MDM1: variants seen among roughly 807,000 people sequenced by gnomAD.
The protein encoded by MDM1 is stabilizer of axonemal microtubules 6.
MDM1 carries 61 observed loss-of-function variants against 89.1 expected under a neutral mutation model. That is an observed-to-expected ratio of 0.68 (90% CI 0.56 to 0.85). MDM1 has a LOEUF of 0.85. MDM1 is among the 40% of genes least tolerant of loss of function. The pLI is 0.00. For missense variants in MDM1, 820 were observed against 846.5 expected (o/e 0.97, Z 0.39); for synonymous variants, 290 against 294.1 (o/e 0.99, Z 0.14).
At chr12:68,302,258 A>G (rs1003457800) in intron 13 of MDM1, among the ~76,000 whole-genome samples, 1 of 152,128 alleles carries the variant, frequency 6.6e-6, no homozygotes, top group Non-Finnish European at 1.5e-5. Context: ...TACTAACACT[A>G]AAGGAAAGTC....
intron 2 of MDM1, among the ~76,000 whole-genome samples, chr12:68,329,331 T>C (rs1188089157): frequency 6.6e-6 from 1 of 152,218 alleles, no homozygotes; most frequent in Admixed American, 6.5e-5. Flanking sequence ...CCCTTTGTTC[T>C]CTAGACCAAA....
At chr12:68,309,050 T>A (rs192306811) in intron 12 of MDM1, among the ~76,000 whole-genome samples, 1 of 152,368 alleles carries the variant, frequency 6.6e-6, no homozygotes, top group Admixed American at 6.5e-5. Flanking sequence ...TCTTGCCTCC[T>A]ATGGCAGCCG....
chr12:68,323,953 AAT>A (rs1431735637), intron 4 of MDM1, among the ~76,000 whole-genome samples: 3 of 152,166 alleles, frequency 2.0e-5, no homozygotes, highest in African/African-American at 7.2e-5. Context: ...TTTACATATT[AAT>A]ATAAGACATC....
chr12:68,323,871 G>C (rs11177165), intron 4 of MDM1, among the ~76,000 whole-genome samples: 65,529 of 152,026 alleles, frequency 0.43, 14,321 homozygotes, highest in Middle Eastern at 0.66. Flanking sequence ...ATACAGATCA[G>C]ATCTAAACAG....
intron 2 of MDM1, among the ~76,000 whole-genome samples, chr12:68,328,229 G>A (rs1288538100): frequency 1.3e-5 from 2 of 152,102 alleles, no homozygotes; most frequent in South Asian, 2.1e-4. Flanking sequence ...AAATAACAAA[G>A]CAACAGCATC....
At chr12:68,303,316 G>A (rs1033366409) in intron 12 of MDM1, among the ~76,000 whole-genome samples, 5 of 152,008 alleles carry the variant, frequency 3.3e-5, no homozygotes, top group Admixed American at 6.5e-5. Context: ...AATTTTTCAC[G>A]TACCAAATTT....
Position 68,295,015 on chromosome 12 carries a change from C to T in MDM1, c.*239G>A, listed in dbSNP as rs1302557963. The T allele has an allele frequency of 4.0e-6, 1 of 250,644 alleles. No individual in the cohort carries two copies. Among genetic ancestry groups the T allele is most frequent in the African/African-American group, 2.3e-5 (1 of 43,772 alleles). The allele number at this position is 250,644 out of a possible 1,614,324, so 15.5% of individuals were successfully genotyped here. ...TCCATGACACCTATTACGAAAGTTA[C>T]ATGTGAAGAATTCAATAATCTAGGT... On this transcript the variant is annotated 3_prime_UTR_variant, in exon 15 of 15. Transcript: ENST00000682720.
At chr12:68,316,055 G>T in intron 9 of MDM1, 23 bp downstream of exon 9, 1 of 1,560,816 alleles carries the variant, frequency 6.4e-7, no homozygotes, top group South Asian at 1.2e-5. Flanking sequence ...AACTTTTTTT[G>T]CCATCCACAA....
Position 68,295,343 on chromosome 12 carries a change from A to G in MDM1, c.2086T>C (p.Ser696Pro), listed in dbSNP as rs1218828355. 6.2e-7 allele frequency: 1 copy of G among 1,612,762 alleles called. No homozygotes were observed. The highest frequency in any genetic ancestry group is 8.5e-7 in the Non-Finnish European group (1 of 1,179,330). ...AGACTAGAAGCTGCAGAGCGAGCAG[A>G]AATCTCAGACAATCTGTCCTCATCT... ...DEDEDRLSEISARSAASSLRA... is the reference protein window; with the variant it reads ...DEDEDRLSEIPARSAASSLRA... The change falls in exon 15 of 15, where the codon TCT becomes CCT. Residue 696 changes from serine to proline, a missense_variant. Physicochemically the swap from Ser to Pro is moderately conservative, Grantham distance 74. Transcript: ENST00000682720.
chr12:68,316,280 T>C (rs1592974794), intron 8 of MDM1, 27 bp from the exon 9 acceptor site: 2 of 1,589,458 alleles, frequency 1.3e-6, no homozygotes, highest in Non-Finnish European at 1.7e-6. Flanking sequence ...AGACATCATA[T>C]ACTATTGTAA....
chr12:68,305,467 A>G (rs1456947530), intron 12 of MDM1, among the ~76,000 whole-genome samples: 1 of 152,200 alleles, frequency 6.6e-6, no homozygotes, highest in African/African-American at 2.4e-5. Context: ...GAGGAAGTCA[A>G]ATTATCTCTG....
chr12:68,300,500 C>T (rs1315690270), intron 13 of MDM1, among the ~76,000 whole-genome samples: 1 of 151,974 alleles, frequency 6.6e-6, no homozygotes, highest in African/African-American at 2.4e-5. Context: ...AAACCAAAAG[C>T]AAGCAGGAGT....
intron 13 of MDM1, among the ~76,000 whole-genome samples, chr12:68,300,132 C>T (rs779072949): frequency 9.9e-5 from 15 of 152,084 alleles, no homozygotes; most frequent in Non-Finnish European, 1.5e-4. Context: ...TTCAGACAAA[C>T]AAATGCTGAG....
intron 13 of MDM1, among the ~76,000 whole-genome samples, chr12:68,297,186 C>A (rs1443377076): frequency 6.6e-6 from 1 of 152,162 alleles, no homozygotes; most frequent in Non-Finnish European, 1.5e-5. Flanking sequence ...AAGGGCCATT[C>A]ATAATTTATA....
Position 68,326,811 on chromosome 12 carries a change from A to T in MDM1, c.344T>A (p.Val115Asp). 6.2e-7 allele frequency: 1 copy of T among 1,613,700 alleles called. No homozygotes were observed. The highest frequency in any genetic ancestry group is 1.1e-5 in the South Asian group (1 of 91,064). The change falls in exon 3 of 15, where the codon GTT (valine) becomes GAT (aspartate). Residue 115 changes from valine to aspartate, a missense_variant. Transcript: ENST00000682720. ...ERVHSLEASR[V>D]PKRTRSHSAD... ...AGAGTGAGATCTGGTTCTTTTGGGA[A>T]CCCTGGAAGCTTCTAGTGAGTGAAC...
intron 1 of MDM1, chr12:68,331,953 T>A: frequency 4.4e-6 from 3 of 687,582 alleles, no homozygotes; most frequent in Non-Finnish European, 8.0e-6. Flanking sequence ...AGGGACCTCC[T>A]CCCATCTCCA....
At chr12:68,296,304 C>A (rs897541724) in intron 14 of MDM1, among the ~76,000 whole-genome samples, 13 of 152,196 alleles carry the variant, frequency 8.5e-5, no homozygotes, top group African/African-American at 3.1e-4. Context: ...TTGAGACCAT[C>A]CTGGCCAACA....
intron 2 of MDM1, chr12:68,327,269 C>T (rs967046247): frequency 5.0e-6 from 7 of 1,409,734 alleles, no homozygotes; most frequent in Middle Eastern, 1.8e-4. Flanking sequence ...CAGGGGGTCA[C>T]AAAATGTTCC....
intron 2 of MDM1, among the ~76,000 whole-genome samples, chr12:68,329,275 T>A (rs999446163): frequency 4.6e-5 from 7 of 152,208 alleles, no homozygotes; most frequent in African/African-American, 1.7e-4. Flanking sequence ...CAGATCATGA[T>A]GCTTCAGAGG....
Sources: allele counts gnomAD v4.1 joint callset (sites outside exome capture counted in the v4.1 genomes callset), GRCh38; gene constraint gnomAD v4.1.1; transcripts MANE v1.5; gene names NCBI Gene and HGNC (gene_info 2026-07-23, HGNC 2026-07-21).